The following CRYL1 variants were observed in gnomAD, a reference collection of about 807,000 sequenced individuals.
CRYL1 encodes the protein crystallin lambda 1.
CRYL1 carries 29 observed loss-of-function variants against 36.6 expected under a neutral mutation model. The observed-to-expected ratio is 0.79, with a 90% confidence interval of 0.59 to 1.08. CRYL1 has a LOEUF of 1.08. Ranked by LOEUF, CRYL1 falls within the 50% of genes least tolerant of loss-of-function variation. The pLI, the probability that CRYL1 is intolerant of heterozygous loss-of-function variation, is 0.00. For synonymous variants in CRYL1, 152 were observed against 151.5 expected, an observed-to-expected ratio of 1.00 and a Z score of -0.02; for missense variants, 411 against 407.9, an observed-to-expected ratio of 1.01 and a Z score of -0.06.
intron 3 of CRYL1, among the ~76,000 whole-genome samples, chr13:20,447,376 C>G (rs1045052093): frequency 2.0e-5 from 3 of 151,982 alleles, no homozygotes; most frequent in Non-Finnish European, 4.4e-5. Flanking sequence ...AAATAAAAAC[C>G]TTTATCCCTG....
intron 5 of CRYL1, among the ~76,000 whole-genome samples, chr13:20,414,082 C>T (rs534687595): frequency 5.9e-5 from 9 of 151,862 alleles, no homozygotes; most frequent in South Asian, 4.2e-4. Context: ...GGCTGAGGCA[C>T]GAGAATCACT....
At chr13:20,461,204 A>G (rs9550650) in intron 3 of CRYL1, among the ~76,000 whole-genome samples, 95,016 of 152,102 alleles carry the variant, frequency 0.62, 34,710 homozygotes, top group Non-Finnish European at 0.82. Flanking sequence ...TTACTGAGTT[A>G]TATTTTTTAA....
chr13:20,510,973 G>C (rs1455960722), intron 2 of CRYL1, among the ~76,000 whole-genome samples: 3 of 152,168 alleles, frequency 2.0e-5, no homozygotes, highest in Non-Finnish European at 4.4e-5. Flanking sequence ...ATGGCTGGCA[G>C]GTAGTTGGTT....
At chr13:20,416,573 C>G (rs1000121068) in intron 5 of CRYL1, among the ~76,000 whole-genome samples, 101 of 152,330 alleles carry the variant, frequency 6.6e-4, no homozygotes, top group African/African-American at 2.4e-3. Context: ...CCCTTGCTTT[C>G]CAGGCCAACA....
intron 3 of CRYL1, among the ~76,000 whole-genome samples, chr13:20,460,482 A>G (rs1593459289): frequency 1.5e-5 from 2 of 137,468 alleles, no homozygotes; most frequent in Admixed American, 1.4e-4. Flanking sequence ...ATCTTTGCCT[A>G]TGTCAGAGGC....
intron 5 of CRYL1, chr13:20,426,967 A>G: frequency 2.0e-6 from 2 of 985,710 alleles, no homozygotes; most frequent in Non-Finnish European, 2.4e-6. Flanking sequence ...GCAATTTCCG[A>G]AGCTCATCAC....
At chr13:20,487,698 G>A (rs2033428222) in intron 3 of CRYL1, among the ~76,000 whole-genome samples, 1 of 152,026 alleles carries the variant, frequency 6.6e-6, no homozygotes, top group Non-Finnish European at 1.5e-5. Context: ...AGAATCGCTT[G>A]AACCCAGGAG....
intron 1 of CRYL1, among the ~76,000 whole-genome samples, chr13:20,514,604 T>C (rs2033968644): frequency 6.6e-6 from 1 of 152,152 alleles, no homozygotes; most frequent in Non-Finnish European, 1.5e-5. Context: ...GAAATCTGAA[T>C]AAAATGTGAA....
intron 5 of CRYL1, among the ~76,000 whole-genome samples, chr13:20,419,410 C>T (rs566466078): frequency 4.1e-4 from 63 of 152,278 alleles, no homozygotes; most frequent in African/African-American, 1.5e-3. Context: ...TCTCCTGCTT[C>T]GGCCTCCAAA....
chr13:20,511,667 C>A (rs1249044528), intron 2 of CRYL1, among the ~76,000 whole-genome samples: 2 of 152,208 alleles, frequency 1.3e-5, no homozygotes, highest in Non-Finnish European at 2.9e-5. Context: ...TAATAACCAG[C>A]TAACGCGTGT....
intron 3 of CRYL1, among the ~76,000 whole-genome samples, chr13:20,475,871 C>T (rs559330417): frequency 1.4e-3 from 206 of 152,284 alleles, no homozygotes; most frequent in Non-Finnish European, 2.3e-3. Context: ...AGGACGAGTC[C>T]CGGTGACATA....
At chr13:20,452,486 G>T (rs896421962) in intron 3 of CRYL1, among the ~76,000 whole-genome samples, 1 of 152,128 alleles carries the variant, frequency 6.6e-6, no homozygotes, top group Non-Finnish European at 1.5e-5. Context: ...TTTCCAAGAA[G>T]ATACAACAAC....
At chr13:20,515,694 T>C (rs1342660936) in intron 1 of CRYL1, 2 of 152,058 alleles carry the variant, frequency 1.3e-5, no homozygotes, top group Non-Finnish European at 2.9e-5. Flanking sequence ...AGTCACAAAA[T>C]GACAAATGCC....
At chr13:20,509,694 G>A (rs546925462) in intron 2 of CRYL1, among the ~76,000 whole-genome samples, 71 of 152,204 alleles carry the variant, frequency 4.7e-4, no homozygotes, top group African/African-American at 1.7e-3. Context: ...TTGGGAGGCC[G>A]AGGCGGGTGG....
At chr13:20,477,844 T>C (rs1396399333) in intron 3 of CRYL1, among the ~76,000 whole-genome samples, 2 of 142,564 alleles carry the variant, frequency 1.4e-5, no homozygotes, top group African/African-American at 2.6e-5. Flanking sequence ...TATACTATAG[T>C]ATATAGATAG....
chr13:20,446,545 G>A (rs958395990), intron 3 of CRYL1, among the ~76,000 whole-genome samples: 3 of 152,192 alleles, frequency 2.0e-5, no homozygotes, highest in Non-Finnish European at 4.4e-5. Flanking sequence ...TTGAGGGATT[G>A]AGCCTTCCCC....
rs11376396 is a variant in CRYL1 at position 20,466,952 on chromosome 13, C to CTT, written c.276+22416_276+22417dup. Among the ~76,000 whole-genome samples, 62 of 147,396 alleles carry CTT rather than the reference C, an allele frequency of 4.2e-4. 1 individual carries two copies. Among genetic ancestry groups the CTT allele is most frequent in the Admixed American group, 7.4e-4 (11 of 14,816 alleles). On this transcript the variant is annotated intron_variant, in intron 3 of 7. Coordinates refer to ENST00000298248, the MANE Select transcript of CRYL1 (RefSeq NM_015974.3). ...TTGCAGAATAAGTCACACAATATAACTTTTTTTTTTTCTGAGACGGAGTCT... is the reference window on the plus strand; with the variant it reads ...TTGCAGAATAAGTCACACAATATAACTTTTTTTTTTTTTCTGAGACGGAGTCT...
chr13:20,477,015 G>T (rs971806801), intron 3 of CRYL1: 1 of 152,314 alleles, frequency 6.6e-6, no homozygotes, highest in African/African-American at 2.4e-5. Flanking sequence ...CAAAAAATTA[G>T]CCGGGCGTGG....
intron 3 of CRYL1, among the ~76,000 whole-genome samples, chr13:20,488,217 T>A (rs1310960215): frequency 6.6e-6 from 1 of 152,178 alleles, no homozygotes; most frequent in African/African-American, 2.4e-5. Context: ...CTGGAGAACA[T>A]CTGTGCTCTT....
Sources: allele counts gnomAD v4.1 joint callset (sites outside exome capture counted in the v4.1 genomes callset), GRCh38; gene constraint gnomAD v4.1.1; transcripts MANE v1.5; gene names NCBI Gene and HGNC (gene_info 2026-07-23, HGNC 2026-07-21).